Variants in CNTN4 observed in about 807,000 individuals in gnomAD.
CNTN4 encodes contactin-4.
A neutral mutation model predicts 122.5 loss-of-function variants in CNTN4; 77 were observed. The ratio of observed to expected loss-of-function variants is 0.63; its 90% CI spans 0.52 to 0.76. CNTN4 has a LOEUF of 0.76. CNTN4 is among the 30% of genes least tolerant of loss of function. The pLI is 0.00. For synonymous variants in CNTN4, 512 were observed against 447.0 expected, an observed-to-expected ratio of 1.15 and a Z score of -1.83; for missense variants, 1,256 against 1,259.1, an observed-to-expected ratio of 1.00 and a Z score of 0.04.
At chr3:2,806,220 A>G (rs1418065112) in intron 6 of CNTN4, among the ~76,000 whole-genome samples, 2 of 151,964 alleles carry the variant, frequency 1.3e-5, no homozygotes, top group East Asian at 1.9e-4. Flanking sequence ...ACTTTCTTAT[A>G]CTCTACAGCA....
chr3:2,910,863 T>A (rs183615409), intron 12 of CNTN4, among the ~76,000 whole-genome samples: 45 of 152,222 alleles, frequency 3.0e-4, no homozygotes, highest in African/African-American at 1.1e-3. Flanking sequence ...AGACCCTTTT[T>A]CCCCAATGGA....
chr3:2,567,911 G>T (rs1309683651), intron 3 of CNTN4, among the ~76,000 whole-genome samples: 1 of 152,048 alleles, frequency 6.6e-6, no homozygotes, highest in East Asian at 1.9e-4. Flanking sequence ...TTAACATCTT[G>T]TTCTTAATAA....
rs180759413 is a variant in CNTN4, at chr3:2,888,534, A to C, written c.940+1310A>C. Among the ~76,000 whole-genome samples, 169 of 152,230 alleles carry C rather than the reference A, an allele frequency of 1.1e-3. 1 individual carries two copies. The highest frequency in any genetic ancestry group is 3.9e-3 in the African/African-American group (161 of 41,526). The stretch of plus-strand genomic sequence containing the variant: ...TCACAGGGCCAAAACCTCCACCCTC[A>C]GATGCTAATACTGCCATTTTTCATA... On this transcript the variant is annotated intron_variant, in intron 10 of 24. Transcript: ENST00000418658.
chr3:2,506,502 C>G (rs1185586277), intron 3 of CNTN4, among the ~76,000 whole-genome samples: 3 of 152,142 alleles, frequency 2.0e-5, no homozygotes, highest in Non-Finnish European at 4.4e-5. Flanking sequence ...ATTTCTTCCT[C>G]CAATAATTTA....
At chr3:2,440,676 A>G (rs2048401538) in intron 3 of CNTN4, among the ~76,000 whole-genome samples, 1 of 151,798 alleles carries the variant, frequency 6.6e-6, no homozygotes, top group Non-Finnish European at 1.5e-5. Flanking sequence ...AGATGTATAT[A>G]TTCACACATA....
intron 8 of CNTN4, among the ~76,000 whole-genome samples, chr3:2,870,003 A>C (rs768018385): frequency 6.6e-6 from 1 of 152,216 alleles, no homozygotes; most frequent in South Asian, 2.1e-4. Flanking sequence ...AGGCCAGAAT[A>C]TCTGTTCAGT....
chr3:2,624,343 G>A (rs2082101359), intron 4 of CNTN4, among the ~76,000 whole-genome samples: 1 of 152,088 alleles, frequency 6.6e-6, no homozygotes, highest in Non-Finnish European at 1.5e-5. Context: ...AGCTTTTTAA[G>A]AATTTAATTT....
chr3:2,471,911 C>A (rs1014958885), intron 3 of CNTN4, among the ~76,000 whole-genome samples: 2 of 152,104 alleles, frequency 1.3e-5, no homozygotes, highest in African/African-American at 4.8e-5. Context: ...ATAAAATGCT[C>A]AGATGTGGCA....
At chr3:2,289,392 A>G (rs2042052217) in intron 2 of CNTN4, among the ~76,000 whole-genome samples, 1 of 152,198 alleles carries the variant, frequency 6.6e-6, no homozygotes, top group African/African-American at 2.4e-5. Flanking sequence ...TAGTTTTCTC[A>G]TCTGTGAAAT....
At chr3:2,574,629 A>C (rs574130861) in intron 4 of CNTN4, among the ~76,000 whole-genome samples, 8 of 152,256 alleles carry the variant, frequency 5.3e-5, no homozygotes, top group Admixed American at 6.5e-5. Flanking sequence ...TGGCTTCATT[A>C]TTCTTCTTCT....
intron 3 of CNTN4, among the ~76,000 whole-genome samples, chr3:2,560,357 G>A (rs1299550313): frequency 2.0e-5 from 3 of 151,958 alleles, no homozygotes; most frequent in African/African-American, 7.3e-5. Flanking sequence ...GCTCAGGCTG[G>A]TCTCGAATTT....
intron 3 of CNTN4, among the ~76,000 whole-genome samples, chr3:2,537,739 C>T (rs1297729700): frequency 6.6e-6 from 1 of 152,000 alleles, no homozygotes; most frequent in Non-Finnish European, 1.5e-5. Context: ...ACTAAAAAAT[C>T]GCTATTCATG....
intron 4 of CNTN4, among the ~76,000 whole-genome samples, chr3:2,695,091 G>A (rs891957605): frequency 2.6e-5 from 4 of 152,082 alleles, no homozygotes; most frequent in Admixed American, 2.0e-4. Context: ...ACATGCCAGG[G>A]GCTGGGCAAA....
At chr3:2,145,676 A>G (rs2035210069) in intron 2 of CNTN4, among the ~76,000 whole-genome samples, 1 of 152,248 alleles carries the variant, frequency 6.6e-6, no homozygotes, top group South Asian at 2.1e-4. Context: ...GGCTTTTGGC[A>G]TAAATTAATC....
At chr3:2,363,706 T>A (rs1029463666) in intron 3 of CNTN4, among the ~76,000 whole-genome samples, 4 of 152,182 alleles carry the variant, frequency 2.6e-5, no homozygotes, top group South Asian at 4.1e-4. Context: ...AAGTCTAACA[T>A]CTTTCCTCCT....
intron 6 of CNTN4, among the ~76,000 whole-genome samples, chr3:2,792,912 G>T (rs1248148766): frequency 1.3e-5 from 2 of 152,148 alleles, no homozygotes; most frequent in African/African-American, 4.8e-5. Flanking sequence ...TTCCTCTGAT[G>T]AGTGAAGATT....
chr3:2,917,030 C>A (rs142838922), intron 12 of CNTN4, among the ~76,000 whole-genome samples: 2 of 107,634 alleles, frequency 1.9e-5, no homozygotes, highest in Admixed American at 1.0e-4. Context: ...CTGAGTGAAC[C>A]AGACTCCGTC....
At chr3:2,874,809 G>C (rs1271747407) in intron 8 of CNTN4, among the ~76,000 whole-genome samples, 1 of 152,122 alleles carries the variant, frequency 6.6e-6, no homozygotes, top group Admixed American at 6.5e-5. Flanking sequence ...ATTCCAGGCA[G>C]CAGGCAGATT....
intron 2 of CNTN4, among the ~76,000 whole-genome samples, chr3:2,304,185 C>G (rs1373141941): frequency 6.6e-6 from 1 of 152,056 alleles, no homozygotes. Context: ...TAGATAATTT[C>G]TTTTACAATA....
Sources: allele counts gnomAD v4.1 joint callset (sites outside exome capture counted in the v4.1 genomes callset), GRCh38; gene constraint gnomAD v4.1.1; transcripts MANE v1.5; gene names NCBI Gene and HGNC (gene_info 2026-07-23, HGNC 2026-07-21).